FBXL17: variants seen among roughly 807,000 people sequenced by gnomAD.
FBXL17 encodes F-box/LRR-repeat protein 17.
FBXL17 carries 22 observed loss-of-function variants against 66.2 expected under a neutral mutation model. That is an observed-to-expected ratio of 0.33 (90% CI 0.24 to 0.47). FBXL17 has a LOEUF of 0.47. Ranked by LOEUF, FBXL17 falls within the 20% of genes least tolerant of loss-of-function variation. The pLI is 1.00. For missense variants in FBXL17, 878 were observed against 948.2 expected (o/e 0.93, Z 0.97); for synonymous variants, 474 against 400.5 (o/e 1.18, Z -2.19).
chr5:107,979,500 G>A (rs1009643772), intron 7 of FBXL17, among the ~76,000 whole-genome samples: 3 of 152,172 alleles, frequency 2.0e-5, no homozygotes, highest in South Asian at 2.1e-4. Flanking sequence ...AATGGTGTGT[G>A]AGAAATCAGT....
intron 4 of FBXL17, among the ~76,000 whole-genome samples, chr5:108,306,482 A>G (rs1380752632): frequency 2.6e-5 from 4 of 152,098 alleles, no homozygotes; most frequent in Non-Finnish European, 5.9e-5. Flanking sequence ...CATCTCCCTG[A>G]GCTTCAAGCT....
At chr5:108,005,809 T>C (rs1033262993) in intron 7 of FBXL17, among the ~76,000 whole-genome samples, 1 of 152,250 alleles carries the variant, frequency 6.6e-6, no homozygotes, top group Non-Finnish European at 1.5e-5. Flanking sequence ...CTATGCCTGT[T>C]GACTGTTCCA....
chr5:108,177,932 T>TATATATATATATATATATATATAC (rs1242739302), intron 6 of FBXL17, among the ~76,000 whole-genome samples: 16 of 126,884 alleles, frequency 1.3e-4, no homozygotes, highest in African/African-American at 4.4e-4. Flanking sequence ...TATATATATA[T>TATATATATATATATATATATATAC]ACACACACAC....
intron 4 of FBXL17, among the ~76,000 whole-genome samples, chr5:108,335,988 CT>C (rs1760364482): frequency 6.6e-6 from 1 of 151,924 alleles, no homozygotes; most frequent in African/African-American, 2.4e-5. Flanking sequence ...ATTTTTTCCC[CT>C]CTCAAATTGT....
intron 4 of FBXL17, among the ~76,000 whole-genome samples, chr5:108,346,853 CA>C (rs1385861856): frequency 6.6e-6 from 1 of 152,032 alleles, no homozygotes; most frequent in Non-Finnish European, 1.5e-5. Flanking sequence ...TACCAATATT[CA>C]AAAATTCAGT....
At chr5:108,102,045 C>A (rs1039912817) in intron 6 of FBXL17, among the ~76,000 whole-genome samples, 5 of 152,062 alleles carry the variant, frequency 3.3e-5, no homozygotes, top group Non-Finnish European at 5.9e-5. Context: ...GTGGCTGGGG[C>A]CCAAGTGAGA....
At chr5:108,154,781 C>T (rs1349292640) in intron 6 of FBXL17, among the ~76,000 whole-genome samples, 1 of 141,872 alleles carries the variant, frequency 7.0e-6, no homozygotes, top group Admixed American at 7.0e-5. Flanking sequence ...AAAAGAGGAA[C>T]CATGAAGGAG....
At chr5:108,374,337 T>C (rs1284903621) in intron 1 of FBXL17, among the ~76,000 whole-genome samples, 2 of 152,174 alleles carry the variant, frequency 1.3e-5, no homozygotes, top group East Asian at 1.9e-4. Context: ...ATTAAGCTCA[T>C]ACAAAGTATC....
intron 7 of FBXL17, among the ~76,000 whole-genome samples, chr5:107,892,938 C>A (rs1749244209): frequency 6.6e-6 from 1 of 152,134 alleles, no homozygotes; most frequent in Non-Finnish European, 1.5e-5. Flanking sequence ...GCAAATAATA[C>A]ATTTTCTATA....
intron 6 of FBXL17, among the ~76,000 whole-genome samples, chr5:108,041,961 T>A (rs1323962568): frequency 6.6e-6 from 1 of 152,148 alleles, no homozygotes; most frequent in Admixed American, 6.5e-5. Flanking sequence ...AATGGTGCAA[T>A]CTCAGCTCAC....
intron 6 of FBXL17, among the ~76,000 whole-genome samples, chr5:108,032,444 G>GA (rs1437930795): frequency 1.3e-5 from 2 of 152,116 alleles, no homozygotes; most frequent in Non-Finnish European, 2.9e-5. Context: ...TCCATGGAAA[G>GA]AGTGTCTGCA....
At chr5:108,270,281 G>A (rs1757212827) in intron 4 of FBXL17, among the ~76,000 whole-genome samples, 1 of 151,748 alleles carries the variant, frequency 6.6e-6, no homozygotes. Context: ...AAAAAGTGAA[G>A]GCGATCTCCC....
intron 5 of FBXL17, among the ~76,000 whole-genome samples, chr5:108,219,096 T>C (rs989275903): frequency 6.6e-6 from 1 of 152,242 alleles, no homozygotes; most frequent in Admixed American, 6.5e-5. Context: ...AAGATAGTGA[T>C]GTTCAATTTT....
At chr5:108,276,165 T>C (rs1010628039) in intron 4 of FBXL17, among the ~76,000 whole-genome samples, 1 of 152,218 alleles carries the variant, frequency 6.6e-6, no homozygotes, top group African/African-American at 2.4e-5. Flanking sequence ...CTTAACTTTT[T>C]AATCCTTCAT....
intron 7 of FBXL17, among the ~76,000 whole-genome samples, chr5:107,983,170 C>T (rs919500332): frequency 6.6e-6 from 1 of 152,130 alleles, no homozygotes; most frequent in African/African-American, 2.4e-5. Flanking sequence ...GCTGTTTCCT[C>T]CAAATGAAAC....
intron 5 of FBXL17, among the ~76,000 whole-genome samples, chr5:108,201,503 T>G (rs189981886): frequency 1.1e-3 from 175 of 152,262 alleles, no homozygotes; most frequent in Non-Finnish European, 1.8e-3. Flanking sequence ...CAATTGCCTA[T>G]AACTATTAAT....
At chr5:108,292,740 AAAT>A (rs1758166724) in intron 4 of FBXL17, among the ~76,000 whole-genome samples, 1 of 152,148 alleles carries the variant, frequency 6.6e-6, no homozygotes, top group African/African-American at 2.4e-5. Flanking sequence ...TTCTCCTCCT[AAAT>A]AATATTTAAT....
At chr5:108,234,148 G>C (rs1319619690) in intron 4 of FBXL17, among the ~76,000 whole-genome samples, 1 of 152,122 alleles carries the variant, frequency 6.6e-6, no homozygotes, top group African/African-American at 2.4e-5. Flanking sequence ...TTTGCTTGGA[G>C]AGTTACTGTT....
intron 7 of FBXL17, among the ~76,000 whole-genome samples, chr5:107,987,193 T>C (rs1160086865): frequency 1.3e-5 from 2 of 152,028 alleles, no homozygotes; most frequent in Non-Finnish European, 2.9e-5. Context: ...GTCCTTTGAT[T>C]ATTTTTTAAA....
Sources: gnomAD v4.1 joint callset for allele counts (sites outside exome capture counted in the v4.1 genomes callset) on GRCh38, gnomAD v4.1.1 for gene constraint, MANE v1.5 for transcripts, NCBI Gene and HGNC (gene_info 2026-07-23, HGNC 2026-07-21) for gene names.